The following VEPH1 variants were observed in gnomAD, a reference collection of about 807,000 sequenced individuals.
VEPH1 encodes the protein ventricular zone expressed PH domain containing 1.
A neutral mutation model predicts 85.2 loss-of-function variants in VEPH1; 80 were observed. The ratio of observed to expected loss-of-function variants is 0.94; its 90% CI spans 0.78 to 1.13. The LOEUF (loss-of-function observed/expected upper bound fraction) is 1.13, where lower values mean the gene tolerates loss of function less well. VEPH1 is among the 50% of genes most tolerant of loss of function. The pLI, the probability that VEPH1 is intolerant of heterozygous loss-of-function variation, is 0.00. For synonymous variants in VEPH1, 297 were observed against 348.0 expected (o/e 0.85, Z 1.63); for missense variants, 955 against 980.5 (o/e 0.97, Z 0.35).
intron 6 of VEPH1, among the ~76,000 whole-genome samples, chr3:157,404,933 G>T (rs1041578484): frequency 3.3e-5 from 5 of 152,180 alleles, no homozygotes; most frequent in Non-Finnish European, 5.9e-5. Flanking sequence ...ATGCCCAGTT[G>T]TCCTTTCTGG....
intron 4 of VEPH1, among the ~76,000 whole-genome samples, chr3:157,428,818 A>G (rs777216685): frequency 6.6e-6 from 1 of 152,236 alleles, no homozygotes; most frequent in South Asian, 2.1e-4. Context: ...ATTCCTGATG[A>G]TAAACAAAAT....
At chr3:157,347,109 C>T (rs1724312213) in intron 9 of VEPH1, among the ~76,000 whole-genome samples, 1 of 151,986 alleles carries the variant, frequency 6.6e-6, no homozygotes, top group African/African-American at 2.4e-5. Flanking sequence ...AATAGAAATA[C>T]TGTAGGAATA....
chr3:157,440,106 AT>A (rs1201850036), intron 4 of VEPH1, among the ~76,000 whole-genome samples: 1 of 152,068 alleles, frequency 6.6e-6, no homozygotes, highest in Non-Finnish European at 1.5e-5. Flanking sequence ...TTTTTCAGTG[AT>A]TTTTATTTGA....
At chr3:157,420,397 G>A (rs190160889) in intron 5 of VEPH1, among the ~76,000 whole-genome samples, 299 of 152,058 alleles carry the variant, frequency 2.0e-3, no homozygotes, top group African/African-American at 6.8e-3. Flanking sequence ...ACATGTGCGT[G>A]GGCACACACT....
chr3:157,355,555 T>C (rs901041541), intron 9 of VEPH1, among the ~76,000 whole-genome samples: 1 of 152,238 alleles, frequency 6.6e-6, no homozygotes, highest in Admixed American at 6.5e-5. Flanking sequence ...TTCTTGTGCG[T>C]TGAGGCTTAG....
Position 157,290,763 on chromosome 3 carries a change from A to T in VEPH1, c.2011-4089T>A, listed in dbSNP as rs189427245. Among the ~76,000 whole-genome samples the T allele has an allele frequency of 5.3e-4, 80 of 152,352 alleles. 2 individuals carry two copies. The East Asian group carries it at 7.7e-3, about 15-fold the overall frequency. Reference sequence around the variant, plus strand: ...CAAGAAGATTAAAACTCACTGGAGGAAAAAATAGTATTTTTAAACATTTGG... The same window carrying T: ...CAAGAAGATTAAAACTCACTGGAGGTAAAAATAGTATTTTTAAACATTTGG... On this transcript the variant is annotated intron_variant, in intron 11 of 13. Coordinates refer to ENST00000362010, the MANE Select transcript of VEPH1 (RefSeq NM_001167912.2).
At chr3:157,437,894 C>A in intron 4 of VEPH1, 1 of 1,521,234 alleles carries the variant, frequency 6.6e-7, no homozygotes, top group Non-Finnish European at 8.8e-7. Flanking sequence ...GGCTGGGCTG[C>A]CCGGAGCTGG....
At chr3:157,484,114 T>C (rs1738398348) in intron 2 of VEPH1, among the ~76,000 whole-genome samples, 1 of 151,942 alleles carries the variant, frequency 6.6e-6, no homozygotes, top group African/African-American at 2.4e-5. Flanking sequence ...TATAAAGAAA[T>C]AGCAATTAAA....
At chr3:157,349,737 T>A (rs1343748266) in intron 9 of VEPH1, among the ~76,000 whole-genome samples, 1 of 150,952 alleles carries the variant, frequency 6.6e-6, no homozygotes, top group African/African-American at 2.4e-5. Context: ...ATGAATTAGC[T>A]GAAAAAGAAA....
chr3:157,371,966 A>T (rs1727541759), intron 7 of VEPH1, among the ~76,000 whole-genome samples: 1 of 152,212 alleles, frequency 6.6e-6, no homozygotes, highest in African/African-American at 2.4e-5. Flanking sequence ...AACACAAGTT[A>T]CAAAATCACT....
chr3:157,319,854 G>A (rs1467686565), intron 9 of VEPH1, among the ~76,000 whole-genome samples: 1 of 152,156 alleles, frequency 6.6e-6, no homozygotes, highest in Non-Finnish European at 1.5e-5. Context: ...AATGGTCAAA[G>A]TAGTATAAGA....
chr3:157,415,603 T>C (rs147384646), intron 5 of VEPH1, among the ~76,000 whole-genome samples: 439 of 152,144 alleles, frequency 2.9e-3, no homozygotes, highest in African/African-American at 0.01. Flanking sequence ...TGTTTTTTCC[T>C]GCCTTAAAAC....
chr3:157,461,195 C>A (rs918116291), intron 3 of VEPH1, among the ~76,000 whole-genome samples: 7 of 152,016 alleles, frequency 4.6e-5, no homozygotes, highest in Non-Finnish European at 8.8e-5. Flanking sequence ...ATAAAGTAGT[C>A]CTATTAGCAT....
chr3:157,385,409 T>C (rs1729192356), intron 6 of VEPH1, among the ~76,000 whole-genome samples: 1 of 152,150 alleles, frequency 6.6e-6, no homozygotes, highest in South Asian at 2.1e-4. Context: ...TTAGGACCGC[T>C]TTACACTCTT....
At chr3:157,410,972 C>G (rs1350819152) in intron 6 of VEPH1, among the ~76,000 whole-genome samples, 1 of 152,194 alleles carries the variant, frequency 6.6e-6, no homozygotes, top group African/African-American at 2.4e-5. Context: ...ATCCAGGTGA[C>G]ATGCTCCAGT....
chr3:157,339,068 C>T (rs1160584570), intron 9 of VEPH1, among the ~76,000 whole-genome samples: 1 of 152,188 alleles, frequency 6.6e-6, no homozygotes, highest in South Asian at 2.1e-4. Flanking sequence ...CTAGTTCTGG[C>T]CCTGGGACTC....
intron 9 of VEPH1, among the ~76,000 whole-genome samples, chr3:157,319,715 TTCCTCCC>T (rs1253756913): frequency 6.6e-6 from 1 of 152,212 alleles, no homozygotes; most frequent in Non-Finnish European, 1.5e-5. Context: ...TTCTGTCTTT[TTCCTCCC>T]TCTAAATTTT....
At chr3:157,435,784 G>C (rs1469741873) in intron 4 of VEPH1, among the ~76,000 whole-genome samples, 1 of 152,152 alleles carries the variant, frequency 6.6e-6, no homozygotes, top group East Asian at 1.9e-4. Context: ...TGTGAACACA[G>C]ACCTGTATAT....
chr3:157,265,629 C>T lies in VEPH1; in HGVS notation c.2162G>A (p.Gly721Glu). 1 of 1,613,580 alleles carries T rather than the reference C, an allele frequency of 6.2e-7. No homozygotes were observed. The highest frequency in any genetic ancestry group is 2.2e-5 in the East Asian group (1 of 44,844). Residue 721 changes from glycine (G) to glutamate (E), a missense_variant, in exon 13 of 14, where the codon GGA becomes GAA. Physicochemically the swap from Gly to Glu is moderately conservative, Grantham distance 98. Transcript: ENST00000362010. The stretch of plus-strand genomic sequence containing the variant: ...TCTGACTTGCTTCTCTTTAAGTTTT[C>T]CTTCTATGAGAGGCTGGCCATCTTG... ...VNQDGQPLIE[G>E]KLKEKQVRWK...
Sources: gnomAD v4.1 joint callset for allele counts (sites outside exome capture counted in the v4.1 genomes callset) on GRCh38, gnomAD v4.1.1 for gene constraint, MANE v1.5 for transcripts, NCBI Gene and HGNC (gene_info 2026-07-23, HGNC 2026-07-21) for gene names.